Variants in ZNF407 observed in about 807,000 individuals in gnomAD.
ZNF407 encodes zinc finger protein 407.
In ZNF407, 17 loss-of-function variants were observed where a neutral mutation model predicts 131.2. The observed-to-expected ratio is 0.13, with a 90% CI of 0.09 to 0.19. The LOEUF is 0.19. Ranked by LOEUF, ZNF407 falls within the 10% of genes least tolerant of loss-of-function variation. The pLI, the probability that ZNF407 is intolerant of heterozygous loss-of-function variation, is 1.00. For synonymous variants in ZNF407, 1,156 were observed against 1,062.0 expected, an observed-to-expected ratio of 1.09 and a Z score of -1.72; for missense variants, 2,681 against 2,830.6, an observed-to-expected ratio of 0.95 and a Z score of 1.20.
At chr18:74,636,259 G>A (rs539754371) in intron 2 of ZNF407, among the ~76,000 whole-genome samples, 2 of 152,254 alleles carry the variant, frequency 1.3e-5, no homozygotes, top group South Asian at 2.1e-4. Context: ...GTTCCTGGAG[G>A]TAGCACCTGA....
chr18:74,598,721 C>G (rs1982430372), intron 1 of ZNF407, among the ~76,000 whole-genome samples: 1 of 152,266 alleles, frequency 6.6e-6, no homozygotes, highest in Non-Finnish European at 1.5e-5. Flanking sequence ...CTGCCTGACA[C>G]CGCTGCGGGC....
At chr18:74,934,793 G>A (rs1312016587) in intron 8 of ZNF407, among the ~76,000 whole-genome samples, 5 of 152,202 alleles carry the variant, frequency 3.3e-5, no homozygotes, top group African/African-American at 4.8e-5. Context: ...GCGACAGAGC[G>A]AGACTCGGTC....
At chr18:75,028,716 C>T (rs1262693038) in intron 8 of ZNF407, among the ~76,000 whole-genome samples, 3 of 152,152 alleles carry the variant, frequency 2.0e-5, no homozygotes, top group Non-Finnish European at 2.9e-5. Context: ...AGTACTCCTA[C>T]AGGAACAATG....
chr18:74,672,766 T>C (rs1161028271), intron 3 of ZNF407, among the ~76,000 whole-genome samples: 2 of 152,172 alleles, frequency 1.3e-5, no homozygotes, highest in African/African-American at 2.4e-5. Flanking sequence ...GAAAAAACTT[T>C]GGGAAAGTAA....
chr18:74,625,021 C>T (rs1440311456), intron 1 of ZNF407, among the ~76,000 whole-genome samples: 3 of 152,058 alleles, frequency 2.0e-5, no homozygotes, highest in Non-Finnish European at 4.4e-5. Flanking sequence ...TGTCATGTGG[C>T]CCCCACAGAA....
chr18:74,837,998 C>G (rs1259737188), intron 4 of ZNF407, among the ~76,000 whole-genome samples: 1 of 152,178 alleles, frequency 6.6e-6, no homozygotes, highest in Non-Finnish European at 1.5e-5. Flanking sequence ...CCAGGTCTCC[C>G]TTTACTGTTC....
At chr18:74,704,676 T>G (rs1354427519) in intron 3 of ZNF407, among the ~76,000 whole-genome samples, 1 of 152,194 alleles carries the variant, frequency 6.6e-6, no homozygotes, top group Admixed American at 6.5e-5. Context: ...ATGGGAAGCA[T>G]AAGTTTGAAT....
chr18:75,040,790 C>T (rs1250820468), intron 8 of ZNF407, among the ~76,000 whole-genome samples: 1 of 152,096 alleles, frequency 6.6e-6, no homozygotes, highest in African/African-American at 2.4e-5. Context: ...TTTTTACACT[C>T]TTTCTAATAC....
chr18:74,605,925 G>A (rs8090212), intron 1 of ZNF407, among the ~76,000 whole-genome samples: 132,562 of 152,224 alleles, frequency 0.87, 57,889 homozygotes, highest in East Asian at 1. Context: ...TGGAGACTGC[G>A]GTCCTTGGGT....
chr18:74,726,690 A>G (rs998199579), intron 3 of ZNF407, among the ~76,000 whole-genome samples: 3 of 152,196 alleles, frequency 2.0e-5, no homozygotes, highest in African/African-American at 4.8e-5. Flanking sequence ...CCACTAAGCA[A>G]TCCTAATTCA....
intron 1 of ZNF407, among the ~76,000 whole-genome samples, chr18:74,622,897 T>C (rs548134902): frequency 0.026 from 401 of 15,622 alleles, 1 homozygote; most frequent in African/African-American, 0.22. Context: ...CAAGTGCGTG[T>C]CTGTTTTAGT....
intron 3 of ZNF407, among the ~76,000 whole-genome samples, chr18:74,676,565 T>C (rs1274332507): frequency 2.0e-5 from 3 of 151,168 alleles, no homozygotes; most frequent in Admixed American, 2.0e-4. Context: ...ACCTCCCGAG[T>C]AGCTGGGACT....
chr18:74,739,059 A>G (rs371248294), intron 3 of ZNF407, among the ~76,000 whole-genome samples: 6 of 151,770 alleles, frequency 4.0e-5, no homozygotes, highest in Non-Finnish European at 7.4e-5. Context: ...GTGCCAGTAA[A>G]TTTTTTCATG....
At chr18:74,887,221 A>G (rs1284609465) in intron 6 of ZNF407, among the ~76,000 whole-genome samples, 1 of 152,172 alleles carries the variant, frequency 6.6e-6, no homozygotes, top group African/African-American at 2.4e-5. Context: ...AAAATCTGCC[A>G]TCATCATAAA....
chr18:74,854,966 G>A (rs1289719053), intron 4 of ZNF407, among the ~76,000 whole-genome samples: 2 of 151,992 alleles, frequency 1.3e-5, no homozygotes, highest in African/African-American at 2.4e-5. Flanking sequence ...TTCTTGTTAG[G>A]CATTTTTATT....
intron 3 of ZNF407, among the ~76,000 whole-genome samples, chr18:74,658,308 A>C (rs1985565158): frequency 6.6e-6 from 1 of 151,978 alleles, no homozygotes; most frequent in Non-Finnish European, 1.5e-5. Context: ...TAGTAGAGAC[A>C]GGGTTTCACC....
In ZNF407 at chr18:75,023,816, T is replaced by G. The variant is rs137991996; in HGVS notation, c.5429-39334T>G. Among the ~76,000 whole-genome samples, 321 of 152,312 alleles carry G rather than the reference T, an allele frequency of 2.1e-3. 6 individuals are homozygous for G. The highest frequency in any genetic ancestry group is 7.3e-3 in the African/African-American group (302 of 41,562). On this transcript the variant is annotated intron_variant, in intron 8 of 8. Transcript: ENST00000299687. ...TTAAAGTGGGAAACTCTTCTTTAGATTACTATATTTAGCTTATTTCATGTA... is the reference window on the plus strand; with the variant it reads ...TTAAAGTGGGAAACTCTTCTTTAGAGTACTATATTTAGCTTATTTCATGTA...
intron 3 of ZNF407, among the ~76,000 whole-genome samples, chr18:74,677,305 G>A (rs938761757): frequency 5.9e-5 from 9 of 152,116 alleles, no homozygotes; most frequent in African/African-American, 9.7e-5. Context: ...TGGCAGGGCC[G>A]GTCTCGAACT....
intron 1 of ZNF407, among the ~76,000 whole-genome samples, chr18:74,612,416 A>G (rs1414054363): frequency 6.6e-6 from 1 of 152,214 alleles, no homozygotes; most frequent in Non-Finnish European, 1.5e-5. Context: ...TTTTTTGTAT[A>G]TACCAAATAT....
Sources: gnomAD v4.1 joint callset for allele counts (sites outside exome capture counted in the v4.1 genomes callset) on GRCh38, gnomAD v4.1.1 for gene constraint, MANE v1.5 for transcripts, NCBI Gene and HGNC (gene_info 2026-07-23, HGNC 2026-07-21) for gene names.